Variants in MACROD2 observed in about 807,000 individuals in gnomAD.
MACROD2 encodes the protein mono-ADP ribosylhydrolase 2.
A neutral mutation model predicts 70.4 loss-of-function variants in MACROD2; 36 were observed. The ratio of observed to expected loss-of-function variants is 0.51; its 90% confidence interval spans 0.39 to 0.68. The LOEUF (loss-of-function observed/expected upper bound fraction) is 0.68. Ranked by LOEUF, MACROD2 falls within the 30% of genes least tolerant of loss-of-function variation. The pLI, the probability that MACROD2 is intolerant of heterozygous loss-of-function variation, is 0.00. For missense variants in MACROD2, 496 were observed against 538.4 expected, an observed-to-expected ratio of 0.92 and a Z score of 0.78; for synonymous variants, 172 against 178.8, an observed-to-expected ratio of 0.96 and a Z score of 0.30.
At chr20:15,543,969 C>G (rs1342916539) in intron 8 of MACROD2, among the ~76,000 whole-genome samples, 1 of 152,232 alleles carries the variant, frequency 6.6e-6, no homozygotes, top group Non-Finnish European at 1.5e-5. Flanking sequence ...CTGCTAGCAT[C>G]TCATTGGCCA....
At chr20:14,016,623 A>G (rs1051694337) in intron 2 of MACROD2, among the ~76,000 whole-genome samples, 1 of 152,066 alleles carries the variant, frequency 6.6e-6, no homozygotes, top group Non-Finnish European at 1.5e-5. Context: ...CCAGTTTTCC[A>G]GTATTTGCTG....
Position 14,326,417 on chromosome 20 carries a change from T to C in MACROD2, c.272-167062T>C. 1 of 1,613,948 alleles carries C rather than the reference T, an allele frequency of 6.2e-7. No individual in the cohort carries two copies. The highest frequency in any genetic ancestry group is 8.5e-7 in the Non-Finnish European group (1 of 1,179,904). ...TTGGGTATTGCAGTGGTTATCTGAATGGTGCTTACAATCCCACTGTCCTTA... is the reference window on the plus strand; with the variant it reads ...TTGGGTATTGCAGTGGTTATCTGAACGGTGCTTACAATCCCACTGTCCTTA... On this transcript the variant is annotated intron_variant, in intron 3 of 17. Transcript: ENST00000684519. This position sits in a 1 kb window ranked among gnomAD's most constrained non-coding sequence, Gnocchi z 5.5.
At chr20:14,633,548 G>C (rs1040448780) in intron 4 of MACROD2, among the ~76,000 whole-genome samples, 2 of 151,704 alleles carry the variant, frequency 1.3e-5, no homozygotes, top group African/African-American at 4.9e-5. Context: ...GGCTGCCTTC[G>C]CATGAACTAA....
At chr20:14,259,521 A>T (rs1439078904) in intron 3 of MACROD2, among the ~76,000 whole-genome samples, 1 of 152,204 alleles carries the variant, frequency 6.6e-6, no homozygotes, top group African/African-American at 2.4e-5. Flanking sequence ...TTGTGAATTT[A>T]GTTTCAATGT....
chr20:15,998,496 C>G (rs1299983373), intron 15 of MACROD2, among the ~76,000 whole-genome samples: 1 of 150,648 alleles, frequency 6.6e-6, no homozygotes, highest in Non-Finnish European at 1.5e-5. Context: ...CTTATGAACC[C>G]TTGTATTTCT....
In MACROD2 at chr20:15,761,605, A is replaced by G. The variant is rs193201690; in HGVS notation, c.646-101140A>G. Among the ~76,000 whole-genome samples, 23 of 152,296 alleles carry G rather than the reference A, an allele frequency of 1.5e-4. No individual in the cohort carries two copies. The East Asian group carries it at 2.3e-3, about 15-fold the overall frequency. ...ATTTTGTTATAGGCAAAATTCAAGA[A>G]CATTAAGCATGTCACTGAACATGAA... is the stretch of plus-strand genomic sequence containing the variant. On this transcript the variant is annotated intron_variant, in intron 8 of 17. Coordinates refer to ENST00000684519, the MANE Select transcript of MACROD2 (RefSeq NM_001351661.2).
intron 10 of MACROD2, among the ~76,000 whole-genome samples, chr20:15,902,775 C>G (rs902054612): frequency 9.2e-5 from 14 of 152,164 alleles, no homozygotes; most frequent in African/African-American, 2.9e-4. Flanking sequence ...GAGTCAGATC[C>G]TCCAGTCCCA....
intron 8 of MACROD2, among the ~76,000 whole-genome samples, chr20:15,819,013 T>G (rs925638368): frequency 6.6e-6 from 1 of 151,992 alleles, no homozygotes; most frequent in Non-Finnish European, 1.5e-5. Context: ...AAGCAAGCTC[T>G]TTGATACCAT....
intron 12 of MACROD2, among the ~76,000 whole-genome samples, chr20:15,967,196 A>G (rs2066152966): frequency 6.6e-6 from 1 of 152,198 alleles, no homozygotes; most frequent in Non-Finnish European, 1.5e-5. Flanking sequence ...GGAAGCATTA[A>G]GAACATTAAA....
At chr20:15,097,019 C>A (rs1423578761) in intron 5 of MACROD2, among the ~76,000 whole-genome samples, 1 of 151,894 alleles carries the variant, frequency 6.6e-6, no homozygotes, top group Non-Finnish European at 1.5e-5. Context: ...ACCACATTGG[C>A]CAGGCTCGTC....
intron 8 of MACROD2, among the ~76,000 whole-genome samples, chr20:15,513,195 T>A (rs2047522124): frequency 6.6e-6 from 1 of 152,238 alleles, no homozygotes; most frequent in East Asian, 1.9e-4. Context: ...CAAGCCTTTT[T>A]GTCTAGAGGC....
At chr20:15,108,399 A>G (rs1305098378) in intron 5 of MACROD2, among the ~76,000 whole-genome samples, 2 of 152,174 alleles carry the variant, frequency 1.3e-5, no homozygotes, top group Non-Finnish European at 2.9e-5. Context: ...GACACTTTTT[A>G]TGCTTCTATT....
At chr20:15,831,351 C>T (rs563722179) in intron 8 of MACROD2, among the ~76,000 whole-genome samples, 2 of 152,258 alleles carry the variant, frequency 1.3e-5, no homozygotes, top group East Asian at 3.9e-4. Context: ...ATTTTTCCTA[C>T]CTTAGTCAGA....
intron 6 of MACROD2, among the ~76,000 whole-genome samples, chr20:15,404,523 C>G (rs538800206): frequency 6.6e-6 from 1 of 152,302 alleles, no homozygotes; most frequent in South Asian, 2.1e-4. Context: ...TATATTTTTA[C>G]CCACTGCAAC....
chr20:14,595,270 C>A (rs762692223), intron 4 of MACROD2, among the ~76,000 whole-genome samples: 18 of 152,086 alleles, frequency 1.2e-4, no homozygotes, highest in Non-Finnish European at 2.2e-4. Context: ...AGGGTGAGCA[C>A]GGTGGGGTTT....
intron 4 of MACROD2, among the ~76,000 whole-genome samples, chr20:14,574,731 G>C (rs1274193275): frequency 6.6e-6 from 1 of 150,988 alleles, no homozygotes; most frequent in Non-Finnish European, 1.5e-5. Flanking sequence ...AATATTCACG[G>C]CCGGGCGCGG....
intron 5 of MACROD2, among the ~76,000 whole-genome samples, chr20:14,779,714 G>C (rs1331247796): frequency 6.6e-6 from 1 of 152,026 alleles, no homozygotes; most frequent in African/African-American, 2.4e-5. Context: ...TAAATAATAG[G>C]TTTTAAAATA....
chr20:15,539,648 A>C (rs192909404), intron 8 of MACROD2, among the ~76,000 whole-genome samples: 1 of 152,244 alleles, frequency 6.6e-6, no homozygotes, highest in Non-Finnish European at 1.5e-5. Flanking sequence ...TATTTTAACA[A>C]GAAAAAAATT....
At chr20:14,679,887 C>A (rs750538074) in intron 4 of MACROD2, among the ~76,000 whole-genome samples, 3 of 152,024 alleles carry the variant, frequency 2.0e-5, no homozygotes, top group African/African-American at 7.2e-5. Flanking sequence ...GAATTCTTGA[C>A]AAAATATAAG....
Sources: gnomAD v4.1 joint callset for allele counts (sites outside exome capture counted in the v4.1 genomes callset) on GRCh38, gnomAD v4.1.1 for gene constraint, Gnocchi (gnomAD v3.1) non-coding constraint, MANE v1.5 for transcripts, NCBI Gene and HGNC (gene_info 2026-07-23, HGNC 2026-07-21) for gene names.